ACTR3C: variants seen among roughly 807,000 people sequenced by gnomAD.
The protein encoded by ACTR3C is actin-related protein 3C.
In ACTR3C, 18 loss-of-function variants were observed where a neutral mutation model predicts 26.3. The ratio of observed to expected loss-of-function variants is 0.68; its 90% CI spans 0.47 to 1.01. The LOEUF (loss-of-function observed/expected upper bound fraction) is 1.01, where lower values mean the gene tolerates loss of function less well. ACTR3C is among the 50% of genes least tolerant of loss of function. ACTR3C has a pLI of 0.00. For missense variants in ACTR3C, 184 were observed against 250.7 expected (o/e 0.73, Z 1.80); for synonymous variants, 55 against 94.5 (o/e 0.58, Z 2.42).
At chr7:149,905,805 C>T in the ACTR3C span, among the ~76,000 whole-genome samples, 5 of 152,258 alleles carry the variant, frequency 3.3e-5, no homozygotes, top group East Asian at 1.9e-4. Context: ...CAAGGATCTA[C>T]GAAACAGAAA....
At chr7:150,298,396 A>G (rs2429324) in intron 1 of ACTR3C, among the ~76,000 whole-genome samples, 3 of 150,626 alleles carry the variant, frequency 2.0e-5, no homozygotes, top group Non-Finnish European at 2.9e-5. Context: ...AAGACCAAAC[A>G]TATCTGTCAC....
chr7:150,169,231 AAG>A, the ACTR3C span, among the ~76,000 whole-genome samples: 2 of 150,004 alleles, frequency 1.3e-5, no homozygotes, highest in Non-Finnish European at 2.9e-5. Flanking sequence ...AATACAAAAA[AAG>A]TTAGCTGGGC....
chr7:149,932,105 A>T, the ACTR3C span, among the ~76,000 whole-genome samples: 6 of 152,210 alleles, frequency 3.9e-5, no homozygotes, highest in East Asian at 1.2e-3. Context: ...CAACTGATGG[A>T]TGGATGAACA....
the ACTR3C span, among the ~76,000 whole-genome samples, chr7:150,088,926 T>C: frequency 6.6e-6 from 1 of 152,222 alleles, no homozygotes; most frequent in East Asian, 1.9e-4. Flanking sequence ...GATTCACCCT[T>C]AGGGAATAAC....
At chr7:150,233,725 T>G in the ACTR3C span, among the ~76,000 whole-genome samples, 1 of 149,682 alleles carries the variant, frequency 6.7e-6, no homozygotes, top group African/African-American at 2.5e-5. Context: ...CATCTATTTT[T>G]GCATGTTGAC....
chr7:150,081,340 A>C, the ACTR3C span, among the ~76,000 whole-genome samples: 20,356 of 151,314 alleles, frequency 0.13, 1,513 homozygotes, highest in South Asian at 0.23. Context: ...AAAAGGAAGA[A>C]GGTAGAGGCA....
the ACTR3C span, among the ~76,000 whole-genome samples, chr7:149,888,665 G>A: frequency 6.6e-6 from 1 of 152,192 alleles, no homozygotes; most frequent in Non-Finnish European, 1.5e-5. Flanking sequence ...GAAGGAGGAA[G>A]TGGGGAGAGA....
rs1189711411 is a variant in ACTR3C, at chr7:150,323,493, G to T, written c.-76C>A. The T allele has an allele frequency of 4.7e-6, 2 of 422,368 alleles. No homozygotes were observed. The highest frequency in any genetic ancestry group is 2.2e-5 in the African/African-American group (1 of 45,982). The allele number at this position is 422,368 out of a possible 1,614,324, so 26.2% of individuals were successfully genotyped here. On this transcript the variant is annotated 5_prime_UTR_variant, in exon 1 of 8. Coordinates refer to ENST00000683684, the MANE Select transcript of ACTR3C (RefSeq NM_001164458.2). ...CCTGCCGAGGAGGCGCCGGCTCTGC[G>T]GTGCGGAGTTGCGCCGGACTTCCCA... is the stretch of plus-strand genomic sequence containing the variant.
the ACTR3C span, among the ~76,000 whole-genome samples, chr7:150,049,448 C>T: frequency 3.0e-4 from 45 of 152,246 alleles, no homozygotes; most frequent in Non-Finnish European, 5.0e-4. Flanking sequence ...CCTCCTTCCA[C>T]ATGGAGGTAG....
At chr7:150,184,040 C>T in the ACTR3C span, among the ~76,000 whole-genome samples, 1 of 150,614 alleles carries the variant, frequency 6.6e-6, no homozygotes, top group Non-Finnish European at 1.5e-5. Flanking sequence ...AACTGTGAGT[C>T]AATTAAACTT....
At chr7:150,046,871 G>A in the ACTR3C span, among the ~76,000 whole-genome samples, 2 of 149,260 alleles carry the variant, frequency 1.3e-5, no homozygotes, top group South Asian at 4.3e-4. Flanking sequence ...TGAAGAGTAG[G>A]AAATGTGCTC....
chr7:150,036,743 A>T, the ACTR3C span, among the ~76,000 whole-genome samples: 1 of 138,228 alleles, frequency 7.2e-6, no homozygotes, highest in South Asian at 2.2e-4. Flanking sequence ...GTCGGATCGT[A>T]AATCCCATGT....
At chr7:150,032,447 C>T in the ACTR3C span, among the ~76,000 whole-genome samples, 419 of 152,324 alleles carry the variant, frequency 2.8e-3, 3 homozygotes, top group African/African-American at 9.6e-3. Context: ...GACAACACAA[C>T]TGACTCCAAG....
intron 4 of ACTR3C, among the ~76,000 whole-genome samples, chr7:150,288,338 C>A (rs1313733921): frequency 1.3e-5 from 2 of 148,298 alleles, no homozygotes; most frequent in East Asian, 2.0e-4. Flanking sequence ...GCAATCCTGG[C>A]GGAAATAGGG....
the ACTR3C span, among the ~76,000 whole-genome samples, chr7:150,127,220 C>T: frequency 0.18 from 27,114 of 150,664 alleles, 2,582 homozygotes; most frequent in Non-Finnish European, 0.23. Flanking sequence ...CTCTAAGTGC[C>T]GGATTCCCCA....
chr7:150,060,211 CTA>C, the ACTR3C span, among the ~76,000 whole-genome samples: 4 of 152,026 alleles, frequency 2.6e-5, no homozygotes, highest in Non-Finnish European at 5.9e-5. Context: ...CATGCAGAGT[CTA>C]TGTTGCAGGT....
At chr7:149,999,554 C>T in the ACTR3C span, among the ~76,000 whole-genome samples, 80 of 151,070 alleles carry the variant, frequency 5.3e-4, 1 homozygote, top group African/African-American at 1.7e-3. Context: ...AGGACCCTGG[C>T]TTTGTAAACT....
At chr7:150,225,828 A>T in the ACTR3C span, among the ~76,000 whole-genome samples, 1 of 152,242 alleles carries the variant, frequency 6.6e-6, no homozygotes, top group Non-Finnish European at 1.5e-5. Context: ...CATACAAAAT[A>T]GTTTCACCAC....
At chr7:150,020,536 C>T in the ACTR3C span, among the ~76,000 whole-genome samples, 10 of 152,038 alleles carry the variant, frequency 6.6e-5, 1 homozygote, top group Admixed American at 3.9e-4. Context: ...CACTTCATTC[C>T]CCCCATCCAT....
Sources: allele counts gnomAD v4.1 joint callset (sites outside exome capture counted in the v4.1 genomes callset), GRCh38; gene constraint gnomAD v4.1.1; transcripts MANE v1.5; gene names NCBI Gene and HGNC (gene_info 2026-07-23, HGNC 2026-07-21).